SERPINE2: variants seen among roughly 807,000 people sequenced by gnomAD.
SERPINE2 encodes the protein serpin family E member 2, also known as glia-derived nexin.
Under a neutral mutation model 36.3 loss-of-function variants are expected in SERPINE2, and 14 were observed. The observed-to-expected ratio is 0.39, with a 90% CI of 0.25 to 0.60. The LOEUF is 0.60. SERPINE2 is among the 20% of genes least tolerant of loss of function. The pLI is 0.57. For synonymous variants in SERPINE2, 192 were observed against 191.8 expected (o/e 1.00, Z -0.01); for missense variants, 418 against 499.6 (o/e 0.84, Z 1.56).
rs1690267954 is a variant in SERPINE2 at position 223,982,792 on chromosome 2, A to G, written c.885-11T>C. ...GCTACAGCTGTGAACCTAGCATGAA[A>G]GCAGAAATGGAGAAAAAAAATCACG... On this transcript the variant is annotated splice_polypyrimidine_tract_variant and intron_variant, in intron 5 of 8. Transcript: ENST00000409304. The G allele has an allele frequency of 6.2e-7, 1 of 1,602,336 alleles. No homozygotes were observed. The highest frequency in any genetic ancestry group is 8.5e-7 in the Non-Finnish European group (1 of 1,173,296).
chr2:224,008,898 C>T (rs1293340063), intron 1 of SERPINE2, among the ~76,000 whole-genome samples: 1 of 152,178 alleles, frequency 6.6e-6, no homozygotes, highest in African/African-American at 2.4e-5. Context: ...ATGGCTCAAA[C>T]ATCACTGGAA....
chr2:224,029,125 C>G lies in SERPINE2; in HGVS notation c.-23+9974G>C, dbSNP rs552784902. Among the ~76,000 whole-genome samples, 6 of 152,346 alleles carry G rather than the reference C, an allele frequency of 3.9e-5. No homozygotes were observed. The South Asian group carries it at 1.2e-3, about 32-fold the overall frequency. ...TACTGTGGCATCCTTAGCCAATCCT[C>G]CAAATTGTTATTTTAACTAACATGT... is the stretch of plus-strand genomic sequence containing the variant. On this transcript the variant is annotated intron_variant, in intron 1 of 8. Coordinates refer to ENST00000409304, the MANE Select transcript of SERPINE2 (RefSeq NM_001136528.2).
intron 1 of SERPINE2, among the ~76,000 whole-genome samples, chr2:224,028,403 G>A (rs1189495386): frequency 1.3e-5 from 2 of 152,200 alleles, no homozygotes; most frequent in African/African-American, 4.8e-5. Flanking sequence ...GTGTGGACCT[G>A]GGGTTTGAAA....
chr2:224,019,421 T>A (rs2106189465), intron 1 of SERPINE2, among the ~76,000 whole-genome samples: 1 of 152,344 alleles, frequency 6.6e-6, no homozygotes, highest in African/African-American at 2.4e-5. Context: ...CCTGTCCTCC[T>A]TGCAGTTTAC....
intron 1 of SERPINE2, chr2:224,031,165 C>G (rs1481853346): frequency 1.0e-6 from 1 of 985,320 alleles, no homozygotes; most frequent in South Asian, 4.7e-5. Context: ...GTTCACACAT[C>G]TACAGACCCG....
chr2:224,024,050 G>C (rs1433392796), intron 1 of SERPINE2, among the ~76,000 whole-genome samples: 1 of 152,178 alleles, frequency 6.6e-6, no homozygotes, highest in Non-Finnish European at 1.5e-5. Flanking sequence ...AAAATGATAT[G>C]AGCCATTTTC....
intron 1 of SERPINE2, among the ~76,000 whole-genome samples, chr2:224,004,533 C>G (rs894761509): frequency 6.6e-6 from 1 of 152,174 alleles, no homozygotes; most frequent in African/African-American, 2.4e-5. Context: ...GGCTCTAATG[C>G]CACGACAATC....
intron 1 of SERPINE2, among the ~76,000 whole-genome samples, chr2:224,022,121 T>C (rs7580846): frequency 0.81 from 117,659 of 145,120 alleles, 48,517 homozygotes; most frequent in Non-Finnish European, 0.9. Flanking sequence ...ATCACACCAC[T>C]GCACTCCAGC....
intron 1 of SERPINE2, among the ~76,000 whole-genome samples, chr2:224,012,010 T>C (rs1004030187): frequency 6.6e-6 from 1 of 152,208 alleles, no homozygotes; most frequent in Non-Finnish European, 1.5e-5. Flanking sequence ...GGCCACTTTC[T>C]TGGTTGGCCC....
chr2:223,982,645 C>T, intron 6 of SERPINE2, 36 bp downstream of exon 6: 1 of 1,265,244 alleles, frequency 7.9e-7, no homozygotes, highest in Non-Finnish European at 1.2e-6. Flanking sequence ...GTAACACTTT[C>T]TTCAAGTATA....
chr2:224,022,313 T>TA (rs11381825), intron 1 of SERPINE2, among the ~76,000 whole-genome samples: 138,726 of 147,110 alleles, frequency 0.94, 65,731 homozygotes, highest in Non-Finnish European at 0.99. Context: ...GCCTGGGTGA[T>TA]AGAGTGAGAC....
At chr2:223,986,272 G>T (rs563638451) in intron 4 of SERPINE2, among the ~76,000 whole-genome samples, 1 of 152,300 alleles carries the variant, frequency 6.6e-6, no homozygotes, top group South Asian at 2.1e-4. Context: ...AGAACTGGCA[G>T]AGGAACTGGG....
intron 1 of SERPINE2, among the ~76,000 whole-genome samples, chr2:224,017,266 C>CT (rs35387795): frequency 0.016 from 2,392 of 149,994 alleles, 30 homozygotes; most frequent in Non-Finnish European, 0.024. Flanking sequence ...TGAATTACTA[C>CT]TTTTTTTTTT....
At chr2:224,022,053 G>A (rs1692019932) in intron 1 of SERPINE2, among the ~76,000 whole-genome samples, 1 of 151,234 alleles carries the variant, frequency 6.6e-6, no homozygotes, top group Admixed American at 6.6e-5. Flanking sequence ...CAGCTACTTG[G>A]GAGGCTGAGA....
At chr2:224,020,383 CAGAAT>C (rs1213459455) in intron 1 of SERPINE2, among the ~76,000 whole-genome samples, 1 of 152,158 alleles carries the variant, frequency 6.6e-6, no homozygotes, top group African/African-American at 2.4e-5. Flanking sequence ...CATATAAAAA[CAGAAT>C]AGAAACAAGA....
chr2:224,015,723 T>G (rs1480585393), intron 1 of SERPINE2, among the ~76,000 whole-genome samples: 1 of 152,100 alleles, frequency 6.6e-6, no homozygotes, highest in East Asian at 1.9e-4. Context: ...CAGGCAGGAA[T>G]CAAAACCCTA....
At position 224,001,752 on chromosome 2, in the gene SERPINE2, T is replaced by C; in HGVS notation, c.149A>G (p.Asn50Ser). The change falls in exon 2 of 9, where the codon AAC becomes AGC. Residue 50 changes from asparagine (N) to serine (S), a missense_variant. Asn to Ser is a conservative substitution (Grantham distance 46). Transcript: ENST00000409304. ...AATCCCATGGGGAGAGATCACGATG[T>C]TGTCATGAGGCCTCGACTTCACAAT... is the stretch of plus-strand genomic sequence containing the variant. The part of the protein sequence containing the change: ...NQIVKSRPHD[N>S]IVISPHGIAS... 6.2e-7 allele frequency: 1 copy of C among 1,614,100 alleles called. No homozygotes were observed. The highest frequency in any genetic ancestry group is 8.5e-7 in the Non-Finnish European group (1 of 1,180,028).
intron 1 of SERPINE2, among the ~76,000 whole-genome samples, chr2:224,021,266 G>A (rs1691988898): frequency 6.6e-6 from 1 of 152,174 alleles, no homozygotes; most frequent in African/African-American, 2.4e-5. Context: ...GTGCCCGGAA[G>A]CTTGGGATCT....
At chr2:224,003,839 G>A (rs368307494) in intron 1 of SERPINE2, among the ~76,000 whole-genome samples, 3 of 152,280 alleles carry the variant, frequency 2.0e-5, no homozygotes, top group South Asian at 4.2e-4. Context: ...GTTACGTGTG[G>A]GAGGTTAGGG....
Sources: allele counts gnomAD v4.1 joint callset (sites outside exome capture counted in the v4.1 genomes callset), GRCh38; gene constraint gnomAD v4.1.1; transcripts MANE v1.5; gene names NCBI Gene and HGNC (gene_info 2026-07-23, HGNC 2026-07-21).